CCDC178: variants seen among roughly 807,000 people sequenced by gnomAD.
The protein encoded by CCDC178 is coiled-coil domain-containing protein 178.
A neutral mutation model predicts 117.4 loss-of-function variants in CCDC178; 126 were observed. The observed-to-expected ratio is 1.07, with a 90% CI of 0.93 to 1.24. The LOEUF (loss-of-function observed/expected upper bound fraction) is 1.24. Ranked by LOEUF, CCDC178 falls within the 50% of genes most tolerant of loss-of-function variation. The pLI, the probability that CCDC178 is intolerant of heterozygous loss-of-function variation, is 0.00. For synonymous variants in CCDC178, 283 were observed against 313.4 expected (o/e 0.90, Z 1.02); for missense variants, 1,030 against 986.9 (o/e 1.04, Z -0.59).
intron 11 of CCDC178, among the ~76,000 whole-genome samples, chr18:33,319,034 T>C (rs1357538204): frequency 6.6e-6 from 1 of 152,136 alleles, no homozygotes; most frequent in Non-Finnish European, 1.5e-5. Flanking sequence ...CTCTCTCTTT[T>C]TTTAAATATA....
At chr18:33,177,961 T>C (rs1174050744) in intron 20 of CCDC178, among the ~76,000 whole-genome samples, 2 of 152,084 alleles carry the variant, frequency 1.3e-5, no homozygotes, top group Non-Finnish European at 1.5e-5. Context: ...GAAATATGAG[T>C]GCTCCGCAAA....
chr18:33,302,935 C>A (rs1313348684), intron 11 of CCDC178, among the ~76,000 whole-genome samples: 1 of 152,050 alleles, frequency 6.6e-6, no homozygotes, highest in East Asian at 1.9e-4. Context: ...GGAATAAGTT[C>A]TAGTGTTCTG....
chr18:33,376,732 T>C lies in CCDC178; in HGVS notation c.209-6543A>G, dbSNP rs140216843. Among the ~76,000 whole-genome samples, 3 of 152,312 alleles carry C rather than the reference T, an allele frequency of 2.0e-5. No individual in the cohort carries two copies. In the East Asian group the frequency reaches 5.8e-4, roughly 29 times the overall value. On this transcript the variant is annotated intron_variant, in intron 5 of 22. Coordinates refer to ENST00000383096, the MANE Select transcript of CCDC178 (RefSeq NM_001105528.4). ...GTTTTCTGTTCCTGTGCTAACCTAC[T>C]TAGGATAATGGCTTCCAGTTGCATC...
intron 19 of CCDC178, among the ~76,000 whole-genome samples, chr18:33,213,545 CA>C (rs1176403929): frequency 1.3e-5 from 2 of 151,662 alleles, no homozygotes; most frequent in Non-Finnish European, 2.9e-5. Context: ...TAGTTGATCC[CA>C]AAAAAACATT....
At chr18:32,946,769 T>C (rs1325259448) in intron 22 of CCDC178, among the ~76,000 whole-genome samples, 1 of 150,900 alleles carries the variant, frequency 6.6e-6, no homozygotes, top group Non-Finnish European at 1.5e-5. Flanking sequence ...GTTAGTGTCT[T>C]TTTTTTCTTT....
intron 21 of CCDC178, among the ~76,000 whole-genome samples, chr18:33,072,347 C>T (rs1430198408): frequency 6.6e-6 from 1 of 151,902 alleles, no homozygotes; most frequent in Non-Finnish European, 1.5e-5. Flanking sequence ...GAAGAGAGTC[C>T]CCATAAGAAA....
intron 22 of CCDC178, among the ~76,000 whole-genome samples, chr18:32,966,112 T>C (rs2054808745): frequency 1.3e-5 from 2 of 151,796 alleles, no homozygotes; most frequent in South Asian, 2.1e-4. Context: ...ATAATGTATA[T>C]AAATATACAA....
intron 11 of CCDC178, among the ~76,000 whole-genome samples, chr18:33,314,277 G>A (rs908219602): frequency 6.8e-6 from 1 of 147,122 alleles, no homozygotes; most frequent in African/African-American, 2.5e-5. Flanking sequence ...ATCCAAAGTG[G>A]TAATAGACTA....
chr18:33,368,342 T>G (rs2063246156), intron 6 of CCDC178, among the ~76,000 whole-genome samples: 1 of 151,996 alleles, frequency 6.6e-6, no homozygotes. Context: ...TTCATTTACT[T>G]TTTTATTCAA....
At chr18:33,072,337 G>A (rs975282630) in intron 21 of CCDC178, among the ~76,000 whole-genome samples, 6 of 152,016 alleles carry the variant, frequency 3.9e-5, no homozygotes, top group South Asian at 4.1e-4. Flanking sequence ...AAAATAAATC[G>A]AAGAGAGTCC....
At chr18:33,194,688 C>T (rs767882620) in intron 20 of CCDC178, among the ~76,000 whole-genome samples, 1 of 151,990 alleles carries the variant, frequency 6.6e-6, no homozygotes, top group Admixed American at 6.6e-5. Context: ...CAATTTCATA[C>T]AACAGTTGAT....
chr18:33,289,358 TA>T (rs1224081967), intron 12 of CCDC178, among the ~76,000 whole-genome samples: 5 of 152,168 alleles, frequency 3.3e-5, no homozygotes, highest in South Asian at 2.1e-4. Flanking sequence ...CTCATGCGTG[TA>T]ATCCCAGCGC....
intron 3 of CCDC178, 99 bp from the exon 4 acceptor site, chr18:33,397,307 T>A: frequency 4.1e-6 from 3 of 733,524 alleles, no homozygotes; most frequent in Non-Finnish European, 6.8e-6. Context: ...AAAATCAGCA[T>A]CAGAATAAAG....
At chr18:33,359,516 G>T (rs918127275) in intron 6 of CCDC178, among the ~76,000 whole-genome samples, 2 of 151,552 alleles carry the variant, frequency 1.3e-5, no homozygotes, top group African/African-American at 4.8e-5. Context: ...AGAAACATTT[G>T]AAGTCTTATA....
chr18:33,365,045 C>T (rs1482006086), intron 6 of CCDC178, among the ~76,000 whole-genome samples: 2 of 151,662 alleles, frequency 1.3e-5, no homozygotes, highest in Non-Finnish European at 2.9e-5. Flanking sequence ...AAGTAAAGGA[C>T]CAAATACTCC....
At chr18:33,290,479 C>CAG (rs2060152746) in intron 12 of CCDC178, among the ~76,000 whole-genome samples, 1 of 152,050 alleles carries the variant, frequency 6.6e-6, no homozygotes, top group South Asian at 2.1e-4. Flanking sequence ...CTCAAATAAA[C>CAG]AGAGATAGAT....
chr18:33,147,967 G>A (rs527302700), intron 20 of CCDC178, among the ~76,000 whole-genome samples: 51 of 151,680 alleles, frequency 3.4e-4, no homozygotes, highest in African/African-American at 1.1e-3. Context: ...CCCACCTCCC[G>A]GACGGGGCGG....
chr18:32,960,571 G>A (rs541871642), intron 22 of CCDC178, among the ~76,000 whole-genome samples: 10 of 152,002 alleles, frequency 6.6e-5, no homozygotes, highest in Non-Finnish European at 1.3e-4. Context: ...GGTTCTATAC[G>A]CTAAATGCTA....
chr18:33,065,111 A>C (rs1273205692), intron 21 of CCDC178, among the ~76,000 whole-genome samples: 3 of 152,068 alleles, frequency 2.0e-5, no homozygotes, highest in African/African-American at 7.2e-5. Flanking sequence ...AGGGAAAAGA[A>C]GAGGAAGGGG....
Sources: gnomAD v4.1 joint callset for allele counts (sites outside exome capture counted in the v4.1 genomes callset) on GRCh38, gnomAD v4.1.1 for gene constraint, MANE v1.5 for transcripts, NCBI Gene and HGNC (gene_info 2026-07-23, HGNC 2026-07-21) for gene names.